TAFA1: variants seen among roughly 807,000 people sequenced by gnomAD.
TAFA1 encodes chemokine-like protein TAFA-1.
TAFA1 carries 4 observed loss-of-function variants against 18.5 expected under a neutral mutation model. That is an observed-to-expected ratio of 0.22 (90% CI 0.11 to 0.49). TAFA1 has a LOEUF of 0.49. Ranked by LOEUF, TAFA1 falls within the 20% of genes least tolerant of loss-of-function variation. The probability of loss-of-function intolerance (pLI) is 0.98; values close to 1 mark genes in which losing one functional copy is unlikely to be tolerated. For missense variants in TAFA1, 147 were observed against 169.0 expected (o/e 0.87, Z 0.72); for synonymous variants, 56 against 55.2 (o/e 1.01, Z -0.06).
At chr3:68,305,942 A>C (rs561752693) in intron 2 of TAFA1, among the ~76,000 whole-genome samples, 68 of 152,358 alleles carry the variant, frequency 4.5e-4, no homozygotes, top group African/African-American at 1.6e-3. Context: ...TACAGCACCT[A>C]GAATAATACT....
At chr3:68,228,913 G>A (rs1374861754) in intron 2 of TAFA1, among the ~76,000 whole-genome samples, 1 of 152,148 alleles carries the variant, frequency 6.6e-6, no homozygotes, top group East Asian at 1.9e-4. Flanking sequence ...TTGGGAGAAA[G>A]CAGGAGAAAA....
At chr3:68,389,436 A>G (rs1055548604) in intron 2 of TAFA1, among the ~76,000 whole-genome samples, 2 of 152,180 alleles carry the variant, frequency 1.3e-5, no homozygotes, top group African/African-American at 4.8e-5. Context: ...TAACTTTGTA[A>G]ACTTTTGCAA....
chr3:68,459,726 A>G (rs2071740338), intron 3 of TAFA1, among the ~76,000 whole-genome samples: 1 of 152,198 alleles, frequency 6.6e-6, no homozygotes, highest in Non-Finnish European at 1.5e-5. Flanking sequence ...CTAATTCCCT[A>G]TTTACCCATA....
intron 2 of TAFA1, among the ~76,000 whole-genome samples, chr3:68,312,645 G>A (rs184529525): frequency 1.3e-5 from 2 of 152,194 alleles, no homozygotes; most frequent in African/African-American, 2.4e-5. Context: ...ATATCACTAT[G>A]AGCATTTTGG....
At chr3:68,465,559 A>G (rs146386996) in intron 3 of TAFA1, among the ~76,000 whole-genome samples, 1 of 152,296 alleles carries the variant, frequency 6.6e-6, no homozygotes, top group African/African-American at 2.4e-5. Flanking sequence ...ATAACTTAGA[A>G]ATTTATTTCT....
intron 2 of TAFA1, among the ~76,000 whole-genome samples, chr3:68,347,444 C>G (rs1482273881): frequency 1.3e-5 from 2 of 152,160 alleles, no homozygotes; most frequent in Non-Finnish European, 2.9e-5. Context: ...TAGTGCAGCA[C>G]CATAACACTT....
At chr3:68,091,062 G>T (rs886106570) in intron 2 of TAFA1, among the ~76,000 whole-genome samples, 1 of 152,164 alleles carries the variant, frequency 6.6e-6, no homozygotes, top group Non-Finnish European at 1.5e-5. Context: ...TCTTGATGAG[G>T]AACACTTTTT....
chr3:68,015,309 G>T (rs185716914), intron 2 of TAFA1, among the ~76,000 whole-genome samples: 1 of 141,018 alleles, frequency 7.1e-6, no homozygotes, highest in African/African-American at 2.7e-5. Context: ...TTTTTGAGAC[G>T]TAGTTTTGCT....
At chr3:67,996,791 C>T in the TAFA1 span, among the ~76,000 whole-genome samples, 2 of 103,466 alleles carry the variant, frequency 1.9e-5, no homozygotes, top group Admixed American at 2.2e-4. Flanking sequence ...AAAACTCCAC[C>T]TCAAAAAAAC....
At chr3:68,510,291 C>T (rs1459229265) in intron 3 of TAFA1, among the ~76,000 whole-genome samples, 2 of 152,094 alleles carry the variant, frequency 1.3e-5, no homozygotes, top group East Asian at 3.9e-4. Flanking sequence ...GTTAACTTGG[C>T]CATCTCCCCA....
intron 4 of TAFA1, among the ~76,000 whole-genome samples, chr3:68,539,964 T>C (rs1033918108): frequency 2.0e-5 from 3 of 152,062 alleles, no homozygotes; most frequent in African/African-American, 7.2e-5. Context: ...CGGTTACAAA[T>C]CCCAGTATGC....
At chr3:68,206,641 C>T (rs1314995732) in intron 2 of TAFA1, among the ~76,000 whole-genome samples, 3 of 152,072 alleles carry the variant, frequency 2.0e-5, no homozygotes, top group Admixed American at 2.0e-4. Flanking sequence ...CACTTTCTCT[C>T]TGAGCTCTGC....
intron 2 of TAFA1, among the ~76,000 whole-genome samples, chr3:68,041,185 C>G (rs1705156691): frequency 6.6e-6 from 1 of 152,242 alleles, no homozygotes; most frequent in Non-Finnish European, 1.5e-5. Flanking sequence ...ATTCCAGTTG[C>G]TCTTCTTCCA....
chr3:68,152,262 C>T (rs1034983799), intron 2 of TAFA1, among the ~76,000 whole-genome samples: 1 of 152,088 alleles, frequency 6.6e-6, no homozygotes, highest in Non-Finnish European at 1.5e-5. Flanking sequence ...GTTTGTGGAA[C>T]GTTCAAAAGA....
chr3:67,994,575 A>G, the TAFA1 span, among the ~76,000 whole-genome samples: 1,998 of 152,284 alleles, frequency 0.013, 44 homozygotes, highest in African/African-American at 0.045. Flanking sequence ...GTGGACTTTC[A>G]GATTGGTTTG....
intron 3 of TAFA1, among the ~76,000 whole-genome samples, chr3:68,474,162 A>T (rs2072049686): frequency 1.3e-5 from 2 of 151,952 alleles, no homozygotes; most frequent in Admixed American, 1.3e-4. Context: ...TCATAATACT[A>T]GTATGTTATT....
intron 2 of TAFA1, among the ~76,000 whole-genome samples, chr3:68,016,272 G>A (rs982184438): frequency 5.3e-5 from 8 of 152,144 alleles, no homozygotes; most frequent in African/African-American, 1.9e-4. Context: ...ATAGTCATGT[G>A]CTGCATAACG....
chr3:68,386,988 A>G (rs2070118694), intron 2 of TAFA1, among the ~76,000 whole-genome samples: 1 of 152,098 alleles, frequency 6.6e-6, no homozygotes, highest in East Asian at 1.9e-4. Flanking sequence ...CCCTACATCT[A>G]GATTGCTAGT....
At chr3:68,021,821 G>A (rs944442144) in intron 2 of TAFA1, among the ~76,000 whole-genome samples, 25 of 152,156 alleles carry the variant, frequency 1.6e-4, no homozygotes, top group African/African-American at 5.5e-4. Flanking sequence ...GACATTATAA[G>A]ATGATGGTAA....
Sources: allele counts gnomAD v4.1 joint callset (sites outside exome capture counted in the v4.1 genomes callset), GRCh38; gene constraint gnomAD v4.1.1; transcripts MANE v1.5; gene names NCBI Gene and HGNC (gene_info 2026-07-23, HGNC 2026-07-21).